PHLDB2: variants seen among roughly 807,000 people sequenced by gnomAD.
The protein encoded by PHLDB2 is pleckstrin homology-like domain family B member 2.
PHLDB2 carries 71 observed loss-of-function variants against 123.6 expected under a neutral mutation model. That is an observed-to-expected ratio of 0.57 (90% CI 0.47 to 0.70). The LOEUF is 0.70. Ranked by LOEUF, PHLDB2 falls within the 30% of genes least tolerant of loss-of-function variation. The probability of loss-of-function intolerance (pLI) is 0.00; values close to 1 mark genes in which losing one functional copy is unlikely to be tolerated. For missense variants in PHLDB2, 1,446 were observed against 1,519.5 expected (o/e 0.95, Z 0.80); for synonymous variants, 547 against 541.6 (o/e 1.01, Z -0.14).
At chr3:111,967,977 A>G (rs2071899200) in intron 15 of PHLDB2, among the ~76,000 whole-genome samples, 153 bp downstream of exon 15, 1 of 81,424 alleles carries the variant, frequency 1.2e-5, no homozygotes, top group Non-Finnish European at 2.2e-5. Context: ...TTCCTGTGCA[A>G]AAAAAAAAAA....
chr3:111,822,081 G>A (rs956111365), intron 1 of PHLDB2, among the ~76,000 whole-genome samples: 1 of 152,026 alleles, frequency 6.6e-6, no homozygotes, highest in African/African-American at 2.4e-5. Context: ...CCCTATATTT[G>A]GCAAATTTGG....
At chr3:111,761,481 C>T (rs2059993313) in intron 1 of PHLDB2, among the ~76,000 whole-genome samples, 2 of 152,196 alleles carry the variant, frequency 1.3e-5, no homozygotes, top group Admixed American at 1.3e-4. Context: ...TGAACAAATC[C>T]TTCATCCTAA....
At chr3:111,826,552 A>G (rs1253626546) in intron 1 of PHLDB2, among the ~76,000 whole-genome samples, 1 of 152,194 alleles carries the variant, frequency 6.6e-6, no homozygotes, top group African/African-American at 2.4e-5. Context: ...AGCACTGAAG[A>G]ATCTTGGCAG....
intron 1 of PHLDB2, among the ~76,000 whole-genome samples, chr3:111,830,456 A>T (rs1490249400): frequency 2.0e-5 from 3 of 147,436 alleles, no homozygotes; most frequent in African/African-American, 7.5e-5. Flanking sequence ...ATGTGGCTTC[A>T]TGGGTATGTA....
intron 4 of PHLDB2, 22 bp downstream of exon 4, chr3:111,919,237 CT>C (rs770997540): frequency 2.5e-6 from 4 of 1,610,950 alleles, no homozygotes; most frequent in Non-Finnish European, 3.4e-6. Flanking sequence ...ACCCTCTTCC[CT>C]TTTTTCTTTC....
intron 2 of PHLDB2, among the ~76,000 whole-genome samples, chr3:111,910,304 A>G (rs542421555): frequency 6.6e-6 from 1 of 152,308 alleles, no homozygotes; most frequent in East Asian, 1.9e-4. Context: ...ATGTAAAATA[A>G]TTTTATTCAA....
At chr3:111,739,739 G>T (rs2059571726) in intron 1 of PHLDB2, among the ~76,000 whole-genome samples, 1 of 151,988 alleles carries the variant, frequency 6.6e-6, no homozygotes, top group Non-Finnish European at 1.5e-5. Context: ...TTGCTAACTG[G>T]GTGCCTGTGC....
intron 1 of PHLDB2, among the ~76,000 whole-genome samples, chr3:111,813,243 A>G (rs2061922931): frequency 6.6e-6 from 1 of 152,218 alleles, no homozygotes; most frequent in Non-Finnish European, 1.5e-5. Flanking sequence ...ACTATAGTTA[A>G]TAACAATGTA....
At chr3:111,753,111 G>A (rs910540706) in intron 1 of PHLDB2, among the ~76,000 whole-genome samples, 1 of 151,958 alleles carries the variant, frequency 6.6e-6, no homozygotes, top group African/African-American at 2.4e-5. Flanking sequence ...ATAAACGTAT[G>A]TGTGCATGTG....
At chr3:111,743,449 C>A (rs1003511794) in intron 1 of PHLDB2, among the ~76,000 whole-genome samples, 1 of 152,130 alleles carries the variant, frequency 6.6e-6, no homozygotes, top group African/African-American at 2.4e-5. Flanking sequence ...TGTTATAAAT[C>A]TGATTTCTAC....
intron 1 of PHLDB2, among the ~76,000 whole-genome samples, chr3:111,757,439 C>A (rs544728562): frequency 3.3e-5 from 5 of 152,264 alleles, no homozygotes; most frequent in Admixed American, 2.0e-4. Flanking sequence ...CCTTTAAGCA[C>A]TTCTCTGTAT....
intron 8 of PHLDB2, among the ~76,000 whole-genome samples, chr3:111,943,698 A>T (rs1264857936): frequency 2.0e-5 from 3 of 152,214 alleles, no homozygotes; most frequent in Admixed American, 6.5e-5. Flanking sequence ...ATTTAATTCC[A>T]TCTCATAAAC....
At chr3:111,816,884 G>A (rs533321093) in intron 1 of PHLDB2, among the ~76,000 whole-genome samples, 24 of 152,324 alleles carry the variant, frequency 1.6e-4, no homozygotes, top group African/African-American at 5.8e-4. Flanking sequence ...CCCAGTGGGA[G>A]GTGATTGAAT....
chr3:111,927,732 CTGTTT>C, intron 5 of PHLDB2, among the ~76,000 whole-genome samples: 1 of 152,154 alleles, frequency 6.6e-6, no homozygotes, highest in Non-Finnish European at 1.5e-5. Context: ...TGAATGTCTT[CTGTTT>C]TATCTGGCAG....
chr3:111,970,928 C>G (rs2072134324), intron 16 of PHLDB2, among the ~76,000 whole-genome samples: 1 of 152,120 alleles, frequency 6.6e-6, no homozygotes, highest in Non-Finnish European at 1.5e-5. Flanking sequence ...AACCAAGCAG[C>G]CTGTGGAAGA....
At chr3:111,848,007 T>A (rs1041918249) in intron 2 of PHLDB2, among the ~76,000 whole-genome samples, 2 of 151,790 alleles carry the variant, frequency 1.3e-5, no homozygotes, top group Non-Finnish European at 2.9e-5. Context: ...TGAGGGAAGG[T>A]GATAATGATG....
At chr3:111,907,492 G>T (rs1169461750) in intron 2 of PHLDB2, among the ~76,000 whole-genome samples, 1 of 151,944 alleles carries the variant, frequency 6.6e-6, no homozygotes. Context: ...TTTTTTGTTT[G>T]TTTGTTTGTT....
chr3:111,779,699 T>C (rs931584719), intron 1 of PHLDB2, among the ~76,000 whole-genome samples: 6 of 152,052 alleles, frequency 3.9e-5, no homozygotes, highest in Non-Finnish European at 7.4e-5. Flanking sequence ...GGCACCTGGG[T>C]TCATTCCACA....
chr3:111,909,209 G>A (rs1470850644), intron 2 of PHLDB2, among the ~76,000 whole-genome samples: 1 of 152,266 alleles, frequency 6.6e-6, no homozygotes, highest in Middle Eastern at 3.4e-3. Flanking sequence ...TAATTTTTGT[G>A]TACTGTTTAC....
Sources: allele counts gnomAD v4.1 joint callset (sites outside exome capture counted in the v4.1 genomes callset), GRCh38; gene constraint gnomAD v4.1.1; transcripts MANE v1.5; gene names NCBI Gene and HGNC (gene_info 2026-07-23, HGNC 2026-07-21).